The following CSMD3 variants were observed in gnomAD, a reference collection of about 807,000 sequenced individuals.
CSMD3 encodes the protein CUB and Sushi multiple domains 3.
In CSMD3, 177 loss-of-function variants were observed where a neutral mutation model predicts 435.2. That is an observed-to-expected ratio of 0.41 (90% CI 0.36 to 0.46). The LOEUF (loss-of-function observed/expected upper bound fraction) is 0.46. Among genes scored for constraint, CSMD3 ranks in the 20% least tolerant of loss-of-function variants. The pLI is 0.34. For synonymous variants in CSMD3, 1,656 were observed against 1,520.5 expected (o/e 1.09, Z -2.07); for missense variants, 4,265 against 4,504.6 (o/e 0.95, Z 1.52).
intron 31 of CSMD3, among the ~76,000 whole-genome samples, chr8:112,473,331 C>A (rs1818713385): frequency 6.6e-6 from 1 of 152,076 alleles, no homozygotes; most frequent in African/African-American, 2.4e-5. Flanking sequence ...TCCTGTTATT[C>A]ACAAGACAGG....
chr8:112,728,022 C>T, intron 13 of CSMD3, among the ~76,000 whole-genome samples: 1 of 151,830 alleles, frequency 6.6e-6, no homozygotes, highest in East Asian at 1.9e-4. Context: ...ATTTCCTTTT[C>T]CAACAGGCAT....
chr8:112,676,933 T>C lies in CSMD3; in HGVS notation c.2677+5509A>G, dbSNP rs963918673. On this transcript the variant is annotated intron_variant, in intron 16 of 70. Transcript: ENST00000297405. Reference sequence around the variant, plus strand: ...AAGCGGGCATTATAAAGTAGAAATGTAACTCAGAGAGTAGCTGAGAATATA... The same window carrying C: ...AAGCGGGCATTATAAAGTAGAAATGCAACTCAGAGAGTAGCTGAGAATATA... Among the ~76,000 whole-genome samples the C allele has an allele frequency of 9.2e-5, 14 of 152,268 alleles. No homozygotes were observed. In the South Asian group the frequency reaches 2.9e-3, roughly 32 times the overall value.
chr8:112,396,635 C>T (rs141362005), intron 35 of CSMD3, among the ~76,000 whole-genome samples: 160 of 152,190 alleles, frequency 1.1e-3, no homozygotes, highest in Non-Finnish European at 2.0e-3. Flanking sequence ...GAAATTGATA[C>T]AGTAATTTAC....
intron 1 of CSMD3, among the ~76,000 whole-genome samples, chr8:113,362,783 G>C (rs189201497): frequency 1.3e-5 from 2 of 152,128 alleles, no homozygotes; most frequent in African/African-American, 4.8e-5. Context: ...AGTGTGTTTA[G>C]AAGAAGAAAC....
intron 30 of CSMD3, among the ~76,000 whole-genome samples, chr8:112,497,635 A>G (rs1821493208): frequency 6.6e-6 from 1 of 151,982 alleles, no homozygotes; most frequent in Non-Finnish European, 1.5e-5. Flanking sequence ...AGACAAAGAA[A>G]AATATTTTTA....
At chr8:113,092,054 C>T (rs902799784) in intron 5 of CSMD3, among the ~76,000 whole-genome samples, 1 of 151,996 alleles carries the variant, frequency 6.6e-6, no homozygotes, top group African/African-American at 2.4e-5. Context: ...ATCACCCATT[C>T]CCCTGACTCT....
chr8:113,016,668 A>G (rs2086471699), intron 6 of CSMD3, among the ~76,000 whole-genome samples: 1 of 151,822 alleles, frequency 6.6e-6, no homozygotes, highest in Admixed American at 6.6e-5. Flanking sequence ...AGCTGCATGG[A>G]GACTTAGTTT....
intron 1 of CSMD3, among the ~76,000 whole-genome samples, chr8:113,374,849 C>CAAAAAAAAAAAAAAAAAAAAAAA (rs1251115132): frequency 1.9e-4 from 4 of 21,010 alleles, no homozygotes; most frequent in African/African-American, 4.9e-4. Flanking sequence ...AAAAAAAAAC[C>CAAAAAAAAAAAAAAAAAAAAAAA]AATAAAATGA....
rs187608432 is a variant in CSMD3 at position 112,261,772 on chromosome 8, C to G, written c.9862+1867G>C. ...TGGCTGTGTCAATTTACCCACCCATCATGAGTCTATAGAAGTTTATGGTAC... is the reference window on the plus strand; with the variant it reads ...TGGCTGTGTCAATTTACCCACCCATGATGAGTCTATAGAAGTTTATGGTAC... On this transcript the variant is annotated intron_variant, in intron 61 of 70. Coordinates refer to ENST00000297405, the MANE Select transcript of CSMD3 (RefSeq NM_198123.2). 6.0e-4 allele frequency among the ~76,000 whole-genome samples: 91 copies of G among 152,068 alleles called. No individual in the cohort carries two copies. The East Asian group carries it at 0.01, about 17-fold the overall frequency.
intron 3 of CSMD3, among the ~76,000 whole-genome samples, chr8:113,199,681 G>A (rs558193655): frequency 6.6e-6 from 1 of 151,778 alleles, no homozygotes; most frequent in Admixed American, 6.6e-5. Flanking sequence ...CCTGCTGAAA[G>A]CCACAACATT....
intron 1 of CSMD3, among the ~76,000 whole-genome samples, chr8:113,394,952 A>C (rs565868527): frequency 6.6e-6 from 1 of 152,304 alleles, no homozygotes; most frequent in South Asian, 2.1e-4. Context: ...TGTTACAACA[A>C]ATAGAGAAAA....
At chr8:112,964,349 T>C (rs1454653090) in intron 7 of CSMD3, among the ~76,000 whole-genome samples, 1 of 151,930 alleles carries the variant, frequency 6.6e-6, no homozygotes, top group Admixed American at 6.6e-5. Context: ...TTAATTTTGA[T>C]ATAAAATTTT....
At chr8:113,025,202 C>T (rs957704823) in intron 5 of CSMD3, among the ~76,000 whole-genome samples, 6 of 152,108 alleles carry the variant, frequency 3.9e-5, no homozygotes, top group South Asian at 2.1e-4. Context: ...TTTCCCTATG[C>T]GTATATCTGT....
chr8:112,891,461 G>A (rs938048411), intron 10 of CSMD3, among the ~76,000 whole-genome samples: 3 of 151,588 alleles, frequency 2.0e-5, no homozygotes, highest in Admixed American at 6.6e-5. Flanking sequence ...TACTTTAACT[G>A]GGCAGATGTT....
chr8:113,159,289 A>G (rs901832620), intron 4 of CSMD3, among the ~76,000 whole-genome samples: 25 of 151,916 alleles, frequency 1.6e-4, no homozygotes, highest in African/African-American at 6.0e-4. Context: ...ACATACTTTA[A>G]GATGTTTATA....
At chr8:112,832,248 C>T (rs746448550) in intron 11 of CSMD3, among the ~76,000 whole-genome samples, 11 of 152,190 alleles carry the variant, frequency 7.2e-5, no homozygotes, top group Admixed American at 1.3e-4. Flanking sequence ...TCTAATCCCT[C>T]GGTGTAGATA....
chr8:112,756,229 T>C (rs779541028), intron 13 of CSMD3, among the ~76,000 whole-genome samples: 14 of 152,174 alleles, frequency 9.2e-5, no homozygotes, highest in Non-Finnish European at 1.6e-4. Context: ...TCCAAGTATA[T>C]ATTTAATGCA....
chr8:112,599,233 G>T (rs1274533000), intron 22 of CSMD3, among the ~76,000 whole-genome samples: 2 of 149,588 alleles, frequency 1.3e-5, no homozygotes, highest in Non-Finnish European at 3.0e-5. Flanking sequence ...CTTCTCAAAA[G>T]AAGACATTTA....
chr8:112,284,160 T>C (rs1473932940), intron 58 of CSMD3, among the ~76,000 whole-genome samples: 5 of 151,320 alleles, frequency 3.3e-5, no homozygotes, highest in African/African-American at 4.8e-5. Context: ...ACACCTCCTA[T>C]GTAACACCAT....
Sources: allele counts gnomAD v4.1 joint callset (sites outside exome capture counted in the v4.1 genomes callset), GRCh38; gene constraint gnomAD v4.1.1; transcripts MANE v1.5; gene names NCBI Gene and HGNC (gene_info 2026-07-23, HGNC 2026-07-21).